Variants in ATP6V0A4 observed in about 807,000 individuals in gnomAD.
ATP6V0A4 encodes V-type proton ATPase 116 kDa subunit a 4.
A neutral mutation model predicts 107.3 loss-of-function variants in ATP6V0A4; 86 were observed. That is an observed-to-expected ratio of 0.80 (90% CI 0.67 to 0.96). ATP6V0A4 has a LOEUF of 0.96. ATP6V0A4 is among the 40% of genes least tolerant of loss of function. The probability of loss-of-function intolerance (pLI) is 0.00; values close to 1 mark genes in which losing one functional copy is unlikely to be tolerated. For synonymous variants in ATP6V0A4, 353 were observed against 381.4 expected (o/e 0.93, Z 0.87); for missense variants, 908 against 1,045.6 (o/e 0.87, Z 1.81).
Position 138,732,994 on chromosome 7 carries a change from T to C in ATP6V0A4, c.1791A>G (p.Lys597=), listed in dbSNP as rs1343386766. Reference sequence around the variant, plus strand: ...ATACATGGACGTCAAAGCAGCACCATTTGAAAATGATCATGAAAACCAGGT... The same window carrying C: ...ATACATGGACGTCAAAGCAGCACCACTTGAAAATGATCATGAAAACCAGGT... ...FGYLVFMIIF[K]WCCFDVHVSQ... The change falls in exon 17 of 22, where the codon AAA becomes AAG. Residue 597 remains lysine (K), a synonymous_variant. Coordinates refer to ENST00000310018, the MANE Select transcript of ATP6V0A4 (RefSeq NM_020632.3). 1.2e-6 allele frequency: 2 copies of C among 1,613,974 alleles called. No individual in the cohort carries two copies. Among genetic ancestry groups the C allele is most frequent in the Admixed American group, 3.3e-5 (2 of 59,992 alleles).
rs1806558283 is a variant in ATP6V0A4, at chr7:138,757,288, G to A, written c.640-748C>T. ...CCCAGCACTTTGGGAGGCTAAGGCG[G>A]GTGGATGGCTTGAGCCCAGGGGTTC... On this transcript the variant is annotated intron_variant, in intron 8 of 21. Transcript: ENST00000310018. 2.6e-5 allele frequency among the ~76,000 whole-genome samples: 4 copies of A among 152,154 alleles called. 1 individual carries two copies. The highest frequency in any genetic ancestry group is 2.6e-4 in the Admixed American group (4 of 15,272).
At chr7:138,753,377 C>G (rs145351780) in intron 10 of ATP6V0A4, among the ~76,000 whole-genome samples, 1 of 152,270 alleles carries the variant, frequency 6.6e-6, no homozygotes, top group East Asian at 1.9e-4. Flanking sequence ...TCAGGTCTTC[C>G]GAGGGAGCAC....
At chr7:138,747,764 A>T in intron 12 of ATP6V0A4, 200 bp from the exon 13 acceptor site, 4 of 880,856 alleles carry the variant, frequency 4.5e-6, no homozygotes, top group Non-Finnish European at 4.9e-6. Context: ...CTGTTTTTCA[A>T]TTTTTTTTGA....
At chr7:138,781,404 C>T (rs930735810) in intron 2 of ATP6V0A4, among the ~76,000 whole-genome samples, 8 of 151,572 alleles carry the variant, frequency 5.3e-5, no homozygotes, top group African/African-American at 7.3e-5. Context: ...AATCTTGGCT[C>T]GCTGCAGCCT....
At chr7:138,769,367 G>A in intron 3 of ATP6V0A4, 116 bp from the exon 4 acceptor site, 11 of 1,463,988 alleles carry the variant, frequency 7.5e-6, no homozygotes, top group Non-Finnish European at 1.0e-5. Context: ...CAGACTGGAG[G>A]GCAATGGCGC....
At chr7:138,759,103 A>G (rs1294397757) in intron 8 of ATP6V0A4, among the ~76,000 whole-genome samples, 3 of 116,884 alleles carry the variant, frequency 2.6e-5, no homozygotes, top group African/African-American at 3.4e-5. Flanking sequence ...TCTGTTCCCT[A>G]GGCTGGAGTG....
chr7:138,760,257 A>G (rs1247107883), intron 7 of ATP6V0A4, among the ~76,000 whole-genome samples: 1 of 152,038 alleles, frequency 6.6e-6, no homozygotes, highest in Non-Finnish European at 1.5e-5. Flanking sequence ...CAGCCTGGCC[A>G]ACATGCTGAA....
At chr7:138,753,401 C>A (rs552761849) in intron 10 of ATP6V0A4, among the ~76,000 whole-genome samples, 1 of 152,316 alleles carries the variant, frequency 6.6e-6, no homozygotes, top group African/African-American at 2.4e-5. Context: ...CCTGCTGACG[C>A]CTTGATTTCA....
intron 18 of ATP6V0A4, among the ~76,000 whole-genome samples, chr7:138,725,637 C>T (rs973273861): frequency 2.0e-5 from 3 of 152,136 alleles, no homozygotes; most frequent in Admixed American, 2.0e-4. Context: ...TTCAGCCTTC[C>T]GAGTAGCTGG....
At position 138,765,351 on chromosome 7, in the gene ATP6V0A4, A is replaced by T. The variant is rs140273729; in HGVS notation, c.292-2326T>A. Among the ~76,000 whole-genome samples, 1,099 of 152,292 alleles carry T rather than the reference A, an allele frequency of 7.2e-3. 16 individuals are homozygous for T. The highest frequency in any genetic ancestry group is 0.024 in the African/African-American group (1,010 of 41,556). On this transcript the variant is annotated intron_variant, in intron 5 of 21. Transcript: ENST00000310018. ...GGGAAAAGTAAATCTTCATTTCCCA[A>T]TCATTTCCTCTATCCACTTAAGGAT...
chr7:138,725,971 TTGAAA>T (rs1327504876), intron 18 of ATP6V0A4, among the ~76,000 whole-genome samples: 4 of 148,898 alleles, frequency 2.7e-5, no homozygotes, highest in Admixed American at 1.3e-4. Context: ...AACGCACATG[TTGAAA>T]TGAAGTTTAT....
At chr7:138,708,017 TTTTA>T (rs377141085) in intron 21 of ATP6V0A4, among the ~76,000 whole-genome samples, 19,817 of 139,858 alleles carry the variant, frequency 0.14, 1,847 homozygotes, top group African/African-American at 0.27. Context: ...TTATGTTTTA[TTTTA>T]TTTATTTATT....
At position 138,709,600 on chromosome 7, in the gene ATP6V0A4, C is replaced by T. The variant is rs199546547; in HGVS notation, c.2429+24G>A. The T allele has an allele frequency of 3.1e-6, 5 of 1,608,984 alleles. No homozygotes were observed. The African/African-American group carries it at 5.3e-5, about 17-fold the overall frequency. ...CTCCCTTTCCCAACACCACATTGAG[C>T]TTCCAGGGGACAACCATCCTTACCA... is the stretch of plus-strand genomic sequence containing the variant. On this transcript the variant is annotated intron_variant, in intron 21 of 21. Coordinates refer to ENST00000310018, the MANE Select transcript of ATP6V0A4 (RefSeq NM_020632.3).
rs2117166318 is a variant in ATP6V0A4 at position 138,706,626 on chromosome 7, A to G, written c.2521T>C (p.Ter841GlnextTer53). The G allele has an allele frequency of 6.2e-7, 1 of 1,613,810 alleles. No individual in the cohort carries two copies. The highest frequency in any genetic ancestry group is 8.5e-7 in the Non-Finnish European group (1 of 1,179,886). ...CCGTGGGAGGTGCAGCCCTCAGCCT[A>G]CTCCTCGGCTGTGCCATCCAGGATG... ...KHILDGTAEE[*>Q] is the part of the protein sequence containing the mutation. The change falls in exon 22 of 22, where the codon TAG becomes CAG. Residue 841 changes from the stop codon to glutamine (Q), a stop_lost. Transcript: ENST00000310018.
chr7:138,754,543 T>C (rs1456899788), intron 10 of ATP6V0A4, among the ~76,000 whole-genome samples: 1 of 152,176 alleles, frequency 6.6e-6, no homozygotes, highest in Non-Finnish European at 1.5e-5. Flanking sequence ...ATCTAATTTC[T>C]TAACATACTT....
chr7:138,706,911 T>G (rs1419447171), intron 21 of ATP6V0A4, 194 bp from the exon 22 acceptor site: 17 of 317,744 alleles, frequency 5.4e-5, no homozygotes, highest in Non-Finnish European at 7.1e-5. Flanking sequence ...TTTTTTTTTT[T>G]GAGACAGAGT....
chr7:138,745,100 A>G (rs780102347), intron 14 of ATP6V0A4, 23 bp downstream of exon 14: 2 of 1,598,556 alleles, frequency 1.3e-6, no homozygotes, highest in East Asian at 2.2e-5. Context: ...CAGCGACTAC[A>G]CCATCTCTGT....
chr7:138,762,344 A>G lies in ATP6V0A4; in HGVS notation c.508T>C (p.Leu170=), dbSNP rs1402095838. The change falls in exon 7 of 22, where the codon TTG becomes CTG. Residue 170 remains leucine (L), a synonymous_variant. Coordinates refer to ENST00000310018, the MANE Select transcript of ATP6V0A4 (RefSeq NM_020632.3). ...KAVPAYMTGK[L]GFIAGVINRE... is the part of the protein sequence containing the mutation. ...ACACACAAGAATTACACTAACCCCA[A>G]CTTTCCGGTCATATATGCAGGCACT... 5.0e-6 allele frequency: 8 copies of G among 1,613,918 alleles called. No homozygotes were observed. Among genetic ancestry groups the G allele is most frequent in the East Asian group, 2.2e-5 (1 of 44,886 alleles).
At chr7:138,767,726 T>C (rs557236309) in intron 5 of ATP6V0A4, among the ~76,000 whole-genome samples, 50 of 151,990 alleles carry the variant, frequency 3.3e-4, no homozygotes, top group African/African-American at 1.2e-3. Context: ...GAATGAGCTG[T>C]TCCACTGCCG....
Sources: gnomAD v4.1 joint callset for allele counts (sites outside exome capture counted in the v4.1 genomes callset) on GRCh38, gnomAD v4.1.1 for gene constraint, MANE v1.5 for transcripts, NCBI Gene and HGNC (gene_info 2026-07-23, HGNC 2026-07-21) for gene names.